Variants in RBPMS observed in about 807,000 individuals in gnomAD.
RBPMS encodes RNA-binding protein with multiple splicing.
Under a neutral mutation model 26.8 loss-of-function variants are expected in RBPMS, and 7 were observed. The ratio of observed to expected loss-of-function variants is 0.26; its 90% CI spans 0.15 to 0.49. The LOEUF is 0.49. RBPMS is among the 20% of genes least tolerant of loss of function. The pLI, the probability that RBPMS is intolerant of heterozygous loss-of-function variation, is 0.98. For synonymous variants in RBPMS, 96 were observed against 93.3 expected (o/e 1.03, Z -0.17); for missense variants, 186 against 250.0 (o/e 0.74, Z 1.73).
chr8:30,511,643 A>G (rs1024547822), intron 5 of RBPMS, among the ~76,000 whole-genome samples: 4 of 150,282 alleles, frequency 2.7e-5, no homozygotes, highest in African/African-American at 9.8e-5. Context: ...GTGTGTATAT[A>G]GATACACATA....
chr8:30,549,742 C>CTTTGCT (rs1554543777), intron 6 of RBPMS, among the ~76,000 whole-genome samples: 144 of 144,046 alleles, frequency 1.0e-3, no homozygotes, highest in Middle Eastern at 3.5e-3. Context: ...TTCTTTCTTT[C>CTTTGCT]TTTCTTTCCT....
intron 1 of RBPMS, among the ~76,000 whole-genome samples, chr8:30,441,158 A>G (rs947309303): frequency 4.6e-5 from 7 of 152,134 alleles, no homozygotes; most frequent in Non-Finnish European, 1.0e-4. Context: ...TCCATTTTTA[A>G]TATTAACCGT....
chr8:30,490,294 C>T (rs1251768783), intron 4 of RBPMS, among the ~76,000 whole-genome samples: 1 of 152,168 alleles, frequency 6.6e-6, no homozygotes, highest in Admixed American at 6.5e-5. Context: ...ATATTGTAAC[C>T]TGAACAAACA....
chr8:30,461,110 A>C (rs906618235), intron 1 of RBPMS, among the ~76,000 whole-genome samples: 1 of 152,060 alleles, frequency 6.6e-6, no homozygotes, highest in Admixed American at 6.6e-5. Flanking sequence ...TAAAGTAAAA[A>C]TGCATATGCA....
At chr8:30,425,690 G>A (rs765073237) in intron 1 of RBPMS, among the ~76,000 whole-genome samples, 2 of 152,174 alleles carry the variant, frequency 1.3e-5, no homozygotes, top group Non-Finnish European at 2.9e-5. Flanking sequence ...ATGAGCCACC[G>A]AGCCCGGCCC....
At chr8:30,517,106 A>G (rs888289490) in intron 5 of RBPMS, among the ~76,000 whole-genome samples, 2 of 152,032 alleles carry the variant, frequency 1.3e-5, no homozygotes, top group African/African-American at 2.4e-5. Context: ...ATTTGACATT[A>G]CATCCTGCTC....
At chr8:30,468,205 G>C (rs542446966) in intron 1 of RBPMS, among the ~76,000 whole-genome samples, 52 of 152,190 alleles carry the variant, frequency 3.4e-4, no homozygotes, top group African/African-American at 1.2e-3. Flanking sequence ...ATTTGCATTT[G>C]TTGAAATTGG....
At chr8:30,501,719 A>C (rs1277737411) in intron 4 of RBPMS, among the ~76,000 whole-genome samples, 1 of 152,242 alleles carries the variant, frequency 6.6e-6, no homozygotes, top group Non-Finnish European at 1.5e-5. Context: ...AATTATGAGC[A>C]AGAGAGGAAA....
intron 1 of RBPMS, among the ~76,000 whole-genome samples, chr8:30,463,413 A>G (rs1816162749): frequency 6.6e-6 from 1 of 152,244 alleles, no homozygotes; most frequent in African/African-American, 2.4e-5. Context: ...GCTCACTCAC[A>G]TGGCTTTTGG....
chr8:30,464,308 T>G (rs1816262193), intron 1 of RBPMS, among the ~76,000 whole-genome samples: 1 of 152,142 alleles, frequency 6.6e-6, no homozygotes, highest in Admixed American at 6.6e-5. Context: ...ATGCTCACCA[T>G]CATATGGGAA....
At chr8:30,533,560 G>A (rs1824467518) in intron 5 of RBPMS, among the ~76,000 whole-genome samples, 1 of 152,174 alleles carries the variant, frequency 6.6e-6, no homozygotes, top group South Asian at 2.1e-4. Context: ...GGCAGTAAAA[G>A]ACTTTTCATA....
chr8:30,443,479 A>G (rs1431203079), intron 1 of RBPMS, among the ~76,000 whole-genome samples: 1 of 152,218 alleles, frequency 6.6e-6, no homozygotes, highest in Non-Finnish European at 1.5e-5. Flanking sequence ...CCTTAGCTGC[A>G]AAATAGCTCC....
chr8:30,499,499 G>C (rs563691230), intron 4 of RBPMS, among the ~76,000 whole-genome samples: 7 of 152,104 alleles, frequency 4.6e-5, no homozygotes, highest in Admixed American at 4.6e-4. Context: ...AATATCACTC[G>C]TAATGGGACA....
At chr8:30,419,112 A>G (rs1361914767) in intron 1 of RBPMS, among the ~76,000 whole-genome samples, 1 of 151,490 alleles carries the variant, frequency 6.6e-6, no homozygotes, top group African/African-American at 2.4e-5. Flanking sequence ...TAAGATGTCC[A>G]GATGAGAAAA....
chr8:30,557,912 T>G (rs1827098725), intron 6 of RBPMS, among the ~76,000 whole-genome samples: 1 of 152,240 alleles, frequency 6.6e-6, no homozygotes, highest in Admixed American at 6.5e-5. Context: ...TTGCCCAGAA[T>G]GGAGTGCAGT....
intron 1 of RBPMS, among the ~76,000 whole-genome samples, chr8:30,410,108 A>T (rs911179998): frequency 2.0e-5 from 3 of 150,288 alleles, no homozygotes; most frequent in Admixed American, 6.7e-5. Flanking sequence ...GGACTTAAAC[A>T]TTTTGGCAAA....
At chr8:30,438,171 CT>C (rs1287051454) in intron 1 of RBPMS, among the ~76,000 whole-genome samples, 1 of 152,164 alleles carries the variant, frequency 6.6e-6, no homozygotes, top group Non-Finnish European at 1.5e-5. Flanking sequence ...AATCCCAACA[CT>C]TTGGGAGGCC....
chr8:30,458,224 T>G (rs895970107), intron 1 of RBPMS, among the ~76,000 whole-genome samples: 1 of 152,194 alleles, frequency 6.6e-6, no homozygotes, highest in Non-Finnish European at 1.5e-5. Context: ...TCAGAATATT[T>G]TTGATCTGTG....
chr8:30,544,927 T>C, intron 6 of RBPMS: 2 of 1,476,530 alleles, frequency 1.4e-6, no homozygotes, highest in Non-Finnish European at 1.8e-6. Context: ...CCCAGCTAGC[T>C]AGAGGGCATC....
Sources: allele counts gnomAD v4.1 joint callset (sites outside exome capture counted in the v4.1 genomes callset), GRCh38; gene constraint gnomAD v4.1.1; transcripts MANE v1.5; gene names NCBI Gene and HGNC (gene_info 2026-07-23, HGNC 2026-07-21).